CEBPZ: variants seen among roughly 807,000 people sequenced by gnomAD.
CEBPZ encodes the protein CCAAT/enhancer-binding protein zeta.
In CEBPZ, 78 loss-of-function variants were observed where a neutral mutation model predicts 104.5. The observed-to-expected ratio is 0.75, with a 90% confidence interval of 0.62 to 0.90. The LOEUF (loss-of-function observed/expected upper bound fraction) is 0.90. Among genes scored for constraint, CEBPZ ranks in the 40% least tolerant of loss-of-function variants. The pLI is 0.00. For synonymous variants in CEBPZ, 470 were observed against 427.0 expected, an observed-to-expected ratio of 1.10 and a Z score of -1.24; for missense variants, 1,439 against 1,233.5, an observed-to-expected ratio of 1.17 and a Z score of -2.50.
intron 5 of CEBPZ, among the ~76,000 whole-genome samples, chr2:37,218,209 G>C (rs1572503939): frequency 6.6e-6 from 1 of 152,002 alleles, no homozygotes; most frequent in South Asian, 2.1e-4. Context: ...GGAGCTTGCA[G>C]TGAGCTGAGA....
chr2:37,217,643 C>T (rs950200603), intron 5 of CEBPZ, among the ~76,000 whole-genome samples: 1 of 152,100 alleles, frequency 6.6e-6, no homozygotes, highest in African/African-American at 2.4e-5. Flanking sequence ...TGGCTCATGC[C>T]TGTAATCCCA....
intron 2 of CEBPZ, among the ~76,000 whole-genome samples, chr2:37,224,533 G>C (rs1664840492): frequency 6.6e-6 from 1 of 152,036 alleles, no homozygotes; most frequent in African/African-American, 2.4e-5. Flanking sequence ...GGATATTCTG[G>C]ATTATTCAAT....
At chr2:37,203,055 T>C in intron 13 of CEBPZ, 47 bp from the exon 14 acceptor site, 2 of 1,298,350 alleles carry the variant, frequency 1.5e-6, no homozygotes, top group East Asian at 2.5e-5. Context: ...AATCTAATGA[T>C]TTTAGAAAAA....
intron 4 of CEBPZ, among the ~76,000 whole-genome samples, chr2:37,221,562 A>G (rs979388541): frequency 3.3e-5 from 5 of 152,240 alleles, no homozygotes; most frequent in East Asian, 1.9e-4. Context: ...GAAACTCAGG[A>G]TTAAAAAAAT....
Position 37,228,707 on chromosome 2 carries a change from A to T in CEBPZ, c.486T>A (p.Asp162Glu), listed in dbSNP as rs1247496609. ...NGSTTPKVKK[D>E]KQNIFEFFER... ...CAAAAAATTCAAAGATGTTCTGTTT[A>T]TCTTTCTTTACTTTCGGTGTGGTAC... Residue 162 changes from aspartate to glutamate, a missense_variant, in exon 2 of 16, where the codon GAT becomes GAA. Transcript: ENST00000234170. The T allele has an allele frequency of 1.9e-6, 3 of 1,614,074 alleles. No homozygotes were observed. Among genetic ancestry groups the T allele is most frequent in the Non-Finnish European group, 1.7e-6 (2 of 1,180,030 alleles).
rs1386530786 is a variant in CEBPZ, at chr2:37,228,146, G to A, written c.1047C>T (p.Val349=). ...ATGTATCATGACTTAAAGTTTCTAA[G>A]ACCTGCACAAATTCAGCCACTAAGT... ...LKHLVAEFVQ[V]LETLSHDTLV... Residue 349 remains valine (V), a synonymous_variant, in exon 2 of 16, where the codon GTC becomes GTT. Transcript: ENST00000234170. The A allele has an allele frequency of 6.2e-7, 1 of 1,614,066 alleles. No individual in the cohort carries two copies. The highest frequency in any genetic ancestry group is 8.5e-7 in the Non-Finnish European group (1 of 1,180,050).
intron 5 of CEBPZ, among the ~76,000 whole-genome samples, chr2:37,219,532 A>G (rs1664714359): frequency 6.6e-6 from 1 of 152,042 alleles, no homozygotes; most frequent in African/African-American, 2.4e-5. Flanking sequence ...TATCAGTGCC[A>G]CCGTCAACAC....
intron 2 of CEBPZ, 47 bp downstream of exon 2, chr2:37,227,497 C>T: frequency 1.3e-6 from 2 of 1,540,542 alleles, no homozygotes; most frequent in Non-Finnish European, 1.7e-6. Flanking sequence ...TGCTGTACTA[C>T]ATCAAGTTAT....
At position 37,214,888 on chromosome 2, in the gene CEBPZ, G is replaced by A. The variant is rs759963654; in HGVS notation, c.2445C>T (p.His815=). The change falls in exon 9 of 16, where the codon CAC becomes CAT. Residue 815 remains histidine, a splice_region_variant and synonymous_variant. Coordinates refer to ENST00000234170, the MANE Select transcript of CEBPZ (RefSeq NM_005760.3). ...SQIPVDEVFF[H]RYYKKVAVKE... ...TGAAACTATATTATGTATAGTACCT[G>A]TGGAAAAACACTTCATCCACTGGTA... 1.2e-6 allele frequency: 2 copies of A among 1,601,026 alleles called. No individual in the cohort carries two copies.
At chr2:37,202,693 GAATAAATAAAATAAC>G in intron 15 of CEBPZ, 76 bp downstream of exon 15, 1 of 73,646 alleles carries the variant, frequency 1.4e-5, no homozygotes, top group Non-Finnish European at 2.5e-5. Flanking sequence ...AAAAAAAAAA[GAATAAATAAAATAAC>G]GAAAATTTCC....
chr2:37,203,053 G>C, intron 13 of CEBPZ, 45 bp from the exon 14 acceptor site: 2 of 1,299,416 alleles, frequency 1.5e-6, no homozygotes, highest in Non-Finnish European at 2.1e-6. Context: ...TAAATCTAAT[G>C]ATTTTAGAAA....
At chr2:37,231,035 C>T (rs1445748572) in intron 1 of CEBPZ, among the ~76,000 whole-genome samples, 2 of 152,174 alleles carry the variant, frequency 1.3e-5, no homozygotes, top group African/African-American at 4.8e-5. Context: ...CATACAGTGA[C>T]ACGTGCATGT....
rs763832876 is a variant in CEBPZ at position 37,228,818 on chromosome 2, A to G, written c.375T>C (p.Asn125=). 8.7e-6 allele frequency: 14 copies of G among 1,602,508 alleles called. No individual in the cohort carries two copies. The highest frequency in any genetic ancestry group is 1.1e-5 in the South Asian group (1 of 87,870). The change falls in exon 2 of 16, where the codon AAT becomes AAC. Residue 125 remains asparagine (N), a synonymous_variant. Coordinates refer to ENST00000234170, the MANE Select transcript of CEBPZ (RefSeq NM_005760.3). ...TCCTTTGACTTTCTGCTGTATTTTT[A>G]TTATTTATTTTAGGTATTTTTACTT... ...KKEVKIPKIN[N]KNTAESQRTS... is the part of the protein sequence containing the mutation.
At chr2:37,210,693 A>T in intron 13 of CEBPZ, 1 of 247,658 alleles carries the variant, frequency 4.0e-6, no homozygotes. Context: ...TGGGTGCACC[A>T]AAATCTCAGA....
In CEBPZ at chr2:37,211,859, TTCA is replaced by T. The variant is rs1258901007; in HGVS notation, c.2781_2783del (p.Asp927del). 2.5e-6 allele frequency: 4 copies of T among 1,602,042 alleles called. No individual in the cohort carries two copies. On this transcript the variant is annotated inframe_deletion, in exon 12 of 16. Transcript: ENST00000234170. Reference sequence around the variant, plus strand: ...AATGCTTACCTGGAACGCTCTCACTTTCATCATCTAACACATCCATGAATGTTC... The same window carrying T: ...AATGCTTACCTGGAACGCTCTCACTTTCATCTAACACATCCATGAATGTTC...
intron 7 of CEBPZ, 36 bp from the exon 8 acceptor site, chr2:37,216,244 C>T (rs2148354417): frequency 6.2e-7 from 1 of 1,603,872 alleles, no homozygotes; most frequent in Non-Finnish European, 8.5e-7. Flanking sequence ...AATGCAAAAC[C>T]TAGTTATAAG....
chr2:37,224,345 A>G (rs1664834763), intron 2 of CEBPZ, among the ~76,000 whole-genome samples: 1 of 152,246 alleles, frequency 6.6e-6, no homozygotes. Flanking sequence ...GACACCCAGA[A>G]TTAACACAAT....
Position 37,211,091 on chromosome 2 carries a change from C to G in CEBPZ, c.2801-9G>C. 1 of 1,593,708 alleles carries G rather than the reference C, an allele frequency of 6.3e-7. No homozygotes were observed. The highest frequency in any genetic ancestry group is 8.5e-7 in the Non-Finnish European group (1 of 1,170,902). ...GGAGTGGACTTCAAGTTCTGTTACA[C>G]GAAAAAATTTGCTAATAAGCAATTT... On this transcript the variant is annotated splice_polypyrimidine_tract_variant and intron_variant, in intron 12 of 15. Transcript: ENST00000234170.
intron 2 of CEBPZ, among the ~76,000 whole-genome samples, chr2:37,224,571 TCTTTACATTTAAATTTTCC>T (rs1558477013): frequency 2.1e-5 from 1 of 46,576 alleles, no homozygotes; most frequent in African/African-American, 1.1e-4. Context: ...AAATTTTCCC[TCTTTACATTTAAATTTTCC>T]AACATTTCCA....
Sources: gnomAD v4.1 joint callset for allele counts (sites outside exome capture counted in the v4.1 genomes callset) on GRCh38, gnomAD v4.1.1 for gene constraint, MANE v1.5 for transcripts, NCBI Gene and HGNC (gene_info 2026-07-23, HGNC 2026-07-21) for gene names.